GRID2: variants seen among roughly 807,000 people sequenced by gnomAD.
The protein encoded by GRID2 is glutamate receptor ionotropic, delta-2.
In GRID2, 33 loss-of-function variants were observed where a neutral mutation model predicts 114.8. That is an observed-to-expected ratio of 0.29 (90% CI 0.22 to 0.38). The LOEUF (loss-of-function observed/expected upper bound fraction) is 0.38. Among genes scored for constraint, GRID2 ranks in the 10% least tolerant of loss-of-function variants. The pLI, the probability that GRID2 is intolerant of heterozygous loss-of-function variation, is 1.00. For synonymous variants in GRID2, 505 were observed against 449.9 expected (o/e 1.12, Z -1.55); for missense variants, 1,184 against 1,257.7 (o/e 0.94, Z 0.89).
chr4:93,156,373 A>G (rs10010341), intron 4 of GRID2, among the ~76,000 whole-genome samples: 5,967 of 151,882 alleles, frequency 0.039, 160 homozygotes, highest in Non-Finnish European at 0.054. Context: ...TGCTTTTTAG[A>G]AATATCTGTC....
chr4:92,520,992 T>C (rs958210247), intron 1 of GRID2, among the ~76,000 whole-genome samples: 1 of 151,902 alleles, frequency 6.6e-6, no homozygotes, highest in Non-Finnish European at 1.5e-5. Flanking sequence ...ATAACAGTTA[T>C]TGAGTTATGA....
intron 4 of GRID2, among the ~76,000 whole-genome samples, chr4:93,145,521 GTGTGATC>G (rs1736132974): frequency 6.7e-6 from 1 of 148,282 alleles, no homozygotes; most frequent in Non-Finnish European, 1.5e-5. Context: ...GATTGCAATG[GTGTGATC>G]TGAGCTCACT....
intron 8 of GRID2, among the ~76,000 whole-genome samples, chr4:93,386,710 A>G (rs1764349174): frequency 6.6e-6 from 1 of 152,116 alleles, no homozygotes; most frequent in Non-Finnish European, 1.5e-5. Context: ...AAAAGTTCCT[A>G]TGGTTTTATG....
chr4:92,384,595 TAACATAATATATAATATATGTTA>T (rs1331885447), intron 1 of GRID2, among the ~76,000 whole-genome samples: 1,916 of 31,468 alleles, frequency 0.061, 15 homozygotes, highest in South Asian at 0.093. Context: ...ATATTATATA[TAACATAATATATAATATATGTTA>T]TATATTATAT....
chr4:92,357,288 A>G (rs1330813066), intron 1 of GRID2, among the ~76,000 whole-genome samples: 2 of 151,908 alleles, frequency 1.3e-5, no homozygotes, highest in Non-Finnish European at 2.9e-5. Flanking sequence ...TAGAACATTA[A>G]TATTTCATAT....
intron 1 of GRID2, among the ~76,000 whole-genome samples, chr4:92,575,892 G>T (rs370872915): frequency 1.1e-4 from 16 of 152,212 alleles, no homozygotes; most frequent in African/African-American, 3.4e-4. Context: ...CATGGACAGG[G>T]TGGCCAGAAG....
At chr4:93,308,737 G>A (rs1426754950) in intron 8 of GRID2, among the ~76,000 whole-genome samples, 1 of 152,040 alleles carries the variant, frequency 6.6e-6, no homozygotes, top group Non-Finnish European at 1.5e-5. Flanking sequence ...ACACAAAATG[G>A]CTGTCACCAA....
intron 2 of GRID2, among the ~76,000 whole-genome samples, chr4:92,973,827 T>C (rs1454548462): frequency 6.6e-6 from 1 of 152,100 alleles, no homozygotes; most frequent in Non-Finnish European, 1.5e-5. Flanking sequence ...GCTTTTATCA[T>C]GTGTTGATTA....
intron 1 of GRID2, among the ~76,000 whole-genome samples, chr4:92,339,624 A>C (rs1048985545): frequency 3.3e-5 from 5 of 152,204 alleles, no homozygotes; most frequent in African/African-American, 1.2e-4. Flanking sequence ...GCTCAAGGTC[A>C]CAGAAGATTT....
intron 2 of GRID2, among the ~76,000 whole-genome samples, chr4:92,837,376 C>T (rs1378252862): frequency 6.6e-6 from 1 of 151,308 alleles, no homozygotes; most frequent in Admixed American, 6.6e-5. Context: ...CTCCGTGAAA[C>T]TATTGGGTCC....
chr4:92,629,837 A>G (rs914480073), intron 2 of GRID2, among the ~76,000 whole-genome samples: 2 of 145,134 alleles, frequency 1.4e-5, no homozygotes, highest in African/African-American at 5.0e-5. Flanking sequence ...TGTAGGTTTT[A>G]TTCACAATAA....
At chr4:92,564,832 CGTG>C (rs1206163393) in intron 1 of GRID2, among the ~76,000 whole-genome samples, 1 of 151,902 alleles carries the variant, frequency 6.6e-6, no homozygotes, top group Non-Finnish European at 1.5e-5. Flanking sequence ...TATATATTTT[CGTG>C]CTACAAGGCC....
chr4:93,717,189 G>T (rs967702354), intron 14 of GRID2, among the ~76,000 whole-genome samples: 4 of 152,126 alleles, frequency 2.6e-5, no homozygotes, highest in African/African-American at 9.7e-5. Flanking sequence ...ATTGGACATA[G>T]ATACTAAAAT....
At chr4:92,917,992 G>A (rs1334521307) in intron 2 of GRID2, among the ~76,000 whole-genome samples, 1 of 152,108 alleles carries the variant, frequency 6.6e-6, no homozygotes, top group African/African-American at 2.4e-5. Context: ...AGCATGGAAT[G>A]TTCTTCCATT....
chr4:93,411,522 C>A (rs1286553094), intron 9 of GRID2, among the ~76,000 whole-genome samples: 1 of 151,746 alleles, frequency 6.6e-6, no homozygotes, highest in Non-Finnish European at 1.5e-5. Flanking sequence ...GCAACCTCCG[C>A]CTCCCGGGTT....
At chr4:93,493,095 A>G (rs1437053519) in intron 12 of GRID2, among the ~76,000 whole-genome samples, 2 of 151,906 alleles carry the variant, frequency 1.3e-5, no homozygotes. Context: ...GTTTTTAATC[A>G]ATAAAATTGA....
chr4:93,113,515 A>G lies in GRID2; in HGVS notation c.735+2562A>G, dbSNP rs572982556. The stretch of plus-strand genomic sequence containing the variant: ...TTTGTTTTTCATCAGTTTAATATGC[A>G]TTGATTTACTAGTTCACTGGTTTTC... On this transcript the variant is annotated intron_variant, in intron 4 of 15. Transcript: ENST00000282020. 7.9e-5 allele frequency among the ~76,000 whole-genome samples: 12 copies of G among 152,304 alleles called. No homozygotes were observed. The East Asian group carries it at 2.1e-3, about 27-fold the overall frequency.
At chr4:93,674,610 C>T (rs932016259) in intron 14 of GRID2, among the ~76,000 whole-genome samples, 1 of 149,854 alleles carries the variant, frequency 6.7e-6, no homozygotes, top group Non-Finnish European at 1.5e-5. Context: ...TGAGGCATAA[C>T]GGTGCTTTTT....
intron 13 of GRID2, among the ~76,000 whole-genome samples, chr4:93,563,407 A>T (rs1014288647): frequency 6.6e-6 from 1 of 151,872 alleles, no homozygotes; most frequent in Non-Finnish European, 1.5e-5. Flanking sequence ...CATTTTGGTC[A>T]TGAGTTGTGA....
Sources: gnomAD v4.1 joint callset for allele counts (sites outside exome capture counted in the v4.1 genomes callset) on GRCh38, gnomAD v4.1.1 for gene constraint, MANE v1.5 for transcripts, NCBI Gene and HGNC (gene_info 2026-07-23, HGNC 2026-07-21) for gene names.